LARS1: variants seen among roughly 807,000 people sequenced by gnomAD.
LARS1 encodes the protein leucine--tRNA ligase, cytoplasmic.
A neutral mutation model predicts 162.8 loss-of-function variants in LARS1; 100 were observed. The observed-to-expected ratio is 0.61, with a 90% CI of 0.52 to 0.73. The LOEUF (loss-of-function observed/expected upper bound fraction) is 0.73, where lower values mean the gene tolerates loss of function less well. LARS1 is among the 30% of genes least tolerant of loss of function. The probability of loss-of-function intolerance (pLI) is 0.00; values close to 1 mark genes in which losing one functional copy is unlikely to be tolerated. For missense variants in LARS1, 1,258 were observed against 1,408.9 expected (o/e 0.89, Z 1.71); for synonymous variants, 457 against 462.8 (o/e 0.99, Z 0.16).
chr5:146,157,763 T>C lies in LARS1; in HGVS notation c.804A>G (p.Lys268=), dbSNP rs1435590133. The C allele has an allele frequency of 6.2e-7, 1 of 1,614,154 alleles. No individual in the cohort carries two copies. Among genetic ancestry groups the C allele is most frequent in the Non-Finnish European group, 8.5e-7 (1 of 1,180,016 alleles). Residue 268 remains lysine, a synonymous_variant, in exon 9 of 32, where the codon AAA becomes AAG. Transcript: ENST00000394434. ...ATGGGTATGGCTCAAGCACCTTCAA[T>C]TTGAGTAAAGTATATTCCTGAGGTC... ...GVGPQEYTLL[K]LKVLEPYPSK...
chr5:146,123,960 T>C, intron 29 of LARS1, 22 bp downstream of exon 29: 1 of 1,307,672 alleles, frequency 7.6e-7, no homozygotes, highest in Non-Finnish European at 1.1e-6. Flanking sequence ...TAACTGGTTA[T>C]TACAATCCCT....
Position 146,182,426 on chromosome 5 carries a change from G to A in LARS1, c.6+62C>T, listed in dbSNP as rs1278369267. ...TTCCCTTCAGGACAGCACATGGAGAGCCCCTAGAGACTGGCCAGTCCGGCT... is the reference window on the plus strand; with the variant it reads ...TTCCCTTCAGGACAGCACATGGAGAACCCCTAGAGACTGGCCAGTCCGGCT... On this transcript the variant is annotated intron_variant, in intron 1 of 31. Coordinates refer to ENST00000394434, the MANE Select transcript of LARS1 (RefSeq NM_020117.11). 5 of 1,604,196 alleles carry A rather than the reference G, an allele frequency of 3.1e-6. No individual in the cohort carries two copies. The East Asian group carries it at 8.9e-5, about 29-fold the overall frequency.
At chr5:146,177,847 C>T (rs1180532493) in intron 1 of LARS1, among the ~76,000 whole-genome samples, 182 bp from the exon 2 acceptor site, 3 of 152,126 alleles carry the variant, frequency 2.0e-5, no homozygotes, top group African/African-American at 7.2e-5. Flanking sequence ...TGCGTGTAAT[C>T]CCAGCACTTT....
At chr5:146,164,738 A>G (rs1753926900) in intron 5 of LARS1, among the ~76,000 whole-genome samples, 2 of 152,220 alleles carry the variant, frequency 1.3e-5, no homozygotes, top group Non-Finnish European at 2.9e-5. Flanking sequence ...AACATAAAGA[A>G]CTACCCATTA....
intron 14 of LARS1, among the ~76,000 whole-genome samples, chr5:146,150,626 C>CAAA (rs71581862): frequency 5.8e-5 from 4 of 68,830 alleles, no homozygotes; most frequent in Non-Finnish European, 1.1e-4. Context: ...GACTCCGTCT[C>CAAA]AAAAAAAAAA....
In LARS1 at chr5:146,164,406, C is replaced by A. The variant is rs1309861757; in HGVS notation, c.498G>T (p.Leu166=). The change falls in exon 6 of 32, where the codon CTG becomes CTT. Residue 166 remains leucine (L), a synonymous_variant. Transcript: ENST00000394434. ...YQWGIMKSLG[L]SDEEIVKFSE... is the part of the protein sequence containing the mutation. ...AAAATTTTACTATCTCTTCATCAGA[C>A]AGGCCAAGGGATTTCATAATGCCCC... The A allele has an allele frequency of 6.2e-7, 1 of 1,613,876 alleles. No homozygotes were observed. The highest frequency in any genetic ancestry group is 8.5e-7 in the Non-Finnish European group (1 of 1,179,906).
intron 29 of LARS1, among the ~76,000 whole-genome samples, 156 bp downstream of exon 29, chr5:146,123,826 A>G (rs1216699291): frequency 6.6e-6 from 1 of 151,638 alleles, no homozygotes; most frequent in Non-Finnish European, 1.5e-5. Flanking sequence ...ATACTCACCC[A>G]TTTTTCTTCT....
chr5:146,151,892 C>T lies in LARS1; in HGVS notation c.1395G>A (p.Glu465=). 1 of 1,614,042 alleles carries T rather than the reference C, an allele frequency of 6.2e-7. No homozygotes were observed. The part of the protein sequence containing the change: ...NDREKLAEAK[E]KIYLKGFYEG... Reference sequence around the variant, plus strand: ...CATAAAATCCTTTTAGATATATCTTCTCCTTTGCTTCTGCAAGTTTTTCCC... The same window carrying T: ...CATAAAATCCTTTTAGATATATCTTTTCCTTTGCTTCTGCAAGTTTTTCCC... Residue 465 remains glutamate (E), a synonymous_variant, in exon 14 of 32, where the codon GAG becomes GAA. Coordinates refer to ENST00000394434, the MANE Select transcript of LARS1 (RefSeq NM_020117.11).
chr5:146,148,045 T>C (rs1432275923), intron 15 of LARS1, among the ~76,000 whole-genome samples: 1 of 152,208 alleles, frequency 6.6e-6, no homozygotes, highest in African/African-American at 2.4e-5. Flanking sequence ...GGAAAATTAT[T>C]TCCAATCCAG....
In LARS1 at chr5:146,153,881, T is replaced by C. The variant is rs1402387975; in HGVS notation, c.1153+12A>G. On this transcript the variant is annotated intron_variant, in intron 11 of 31. Transcript: ENST00000394434. Reference sequence around the variant, plus strand: ...TTATCAAAATATTTCTAGAAATAAATAAACTCTTTACCTTTATCCTCCTTA... The same window carrying C: ...TTATCAAAATATTTCTAGAAATAAACAAACTCTTTACCTTTATCCTCCTTA... The C allele has an allele frequency of 4.4e-6, 7 of 1,608,662 alleles. No individual in the cohort carries two copies. The highest frequency in any genetic ancestry group is 1.1e-5 in the South Asian group (1 of 90,940).
chr5:146,161,307 G>A (rs1753766782), intron 6 of LARS1, among the ~76,000 whole-genome samples: 1 of 152,158 alleles, frequency 6.6e-6, no homozygotes, highest in African/African-American at 2.4e-5. Context: ...AGGTTGTGAT[G>A]GCTATGGCAA....
chr5:146,122,617 T>C, intron 29 of LARS1, 30 bp from the exon 30 acceptor site: 1 of 1,249,614 alleles, frequency 8.0e-7, no homozygotes, highest in Non-Finnish European at 1.2e-6. Context: ...TGGAAGTTAT[T>C]AGTATCACTT....
rs745451310 is a variant in LARS1 at position 146,128,649 on chromosome 5, G to C, written c.2880+23C>G. The C allele has an allele frequency of 1.4e-6, 2 of 1,477,272 alleles. 1 individual carries two copies. The highest frequency in any genetic ancestry group is 2.6e-5 in the South Asian group (2 of 75,968). The allele number at this position is 1,477,272 out of a possible 1,614,324, so 91.5% of individuals were successfully genotyped here. A position where few individuals can be genotyped will look rare whatever the true frequency, so the allele number is the denominator to read the frequency against. Reference sequence around the variant, plus strand: ...GGGAGCATACAACACCATCAGGGGGGAAAAGTCTACTGAGAGCATCACCTC... The same window carrying C: ...GGGAGCATACAACACCATCAGGGGGCAAAAGTCTACTGAGAGCATCACCTC... On this transcript the variant is annotated intron_variant, in intron 27 of 31. Coordinates refer to ENST00000394434, the MANE Select transcript of LARS1 (RefSeq NM_020117.11).
chr5:146,154,052 T>C, intron 10 of LARS1, 72 bp from the exon 11 acceptor site: 3 of 1,082,484 alleles, frequency 2.8e-6, no homozygotes, highest in Non-Finnish European at 4.0e-6. Context: ...ACTATGTTAA[T>C]ATTTTAAGCC....
At chr5:146,154,465 T>G (rs181551950) in intron 10 of LARS1, among the ~76,000 whole-genome samples, 2 of 152,362 alleles carry the variant, frequency 1.3e-5, no homozygotes, top group South Asian at 2.1e-4. Flanking sequence ...GTACCATAAA[T>G]ACAATTTCTG....
chr5:146,142,273 T>C (rs1469012477), intron 20 of LARS1, among the ~76,000 whole-genome samples: 1 of 140,458 alleles, frequency 7.1e-6, no homozygotes, highest in Admixed American at 7.7e-5. Context: ...GGACTCTGTC[T>C]CAAAAAAAAA....
chr5:146,168,416 G>C (rs1581079164), intron 4 of LARS1, 151 bp from the exon 5 acceptor site: 3 of 758,814 alleles, frequency 4.0e-6, no homozygotes, highest in East Asian at 5.6e-5. Context: ...CTGAAACGGA[G>C]GCTGGGAGCA....
chr5:146,132,275 A>G (rs555072174), intron 23 of LARS1: 1 of 152,534 alleles, frequency 6.6e-6, no homozygotes, highest in East Asian at 1.9e-4. Flanking sequence ...ATTGCACTCC[A>G]GCCTGAGTGA....
chr5:146,130,375 AT>A, intron 24 of LARS1: 1 of 537,290 alleles, frequency 1.9e-6, no homozygotes, highest in Non-Finnish European at 3.2e-6. Context: ...CAAAAAAAGA[AT>A]TTTTTTACAG....
Sources: allele counts gnomAD v4.1 joint callset (sites outside exome capture counted in the v4.1 genomes callset), GRCh38; gene constraint gnomAD v4.1.1; transcripts MANE v1.5; gene names NCBI Gene and HGNC (gene_info 2026-07-23, HGNC 2026-07-21).